SLC25A13: variants seen among roughly 807,000 people sequenced by gnomAD.
SLC25A13 encodes solute carrier family 25 member 13.
Under a neutral mutation model 85.5 loss-of-function variants are expected in SLC25A13, and 70 were observed. The observed-to-expected ratio is 0.82, with a 90% CI of 0.68 to 1.00. The LOEUF is 1.00. Among genes scored for constraint, SLC25A13 ranks in the 50% least tolerant of loss-of-function variants. The pLI is 0.00. For missense variants in SLC25A13, 765 were observed against 819.8 expected (o/e 0.93, Z 0.82); for synonymous variants, 259 against 288.7 (o/e 0.90, Z 1.04).
intron 4 of SLC25A13, among the ~76,000 whole-genome samples, chr7:96,229,203 T>C (rs979324977): frequency 1.3e-5 from 2 of 152,220 alleles, no homozygotes; most frequent in African/African-American, 2.4e-5. Context: ...AGAACTTTTA[T>C]GTCTAGCAGG....
At chr7:96,177,845 C>T (rs991161603) in intron 11 of SLC25A13, among the ~76,000 whole-genome samples, 1 of 152,174 alleles carries the variant, frequency 6.6e-6, no homozygotes, top group Non-Finnish European at 1.5e-5. Context: ...TCAGGCCTGC[C>T]AGTACTCTCA....
At chr7:96,170,007 A>C in intron 13 of SLC25A13, 38 bp downstream of exon 13, 1 of 1,590,036 alleles carries the variant, frequency 6.3e-7, no homozygotes, top group East Asian at 2.2e-5. Context: ...TATGTGAAAC[A>C]AGTCTTTTCA....
At chr7:96,286,587 A>G (rs1172075467) in intron 2 of SLC25A13, among the ~76,000 whole-genome samples, 1 of 152,130 alleles carries the variant, frequency 6.6e-6, no homozygotes, top group Non-Finnish European at 1.5e-5. Context: ...AGACCACACC[A>G]TCTTCTGCTA....
At chr7:96,259,615 A>C (rs888027513) in intron 3 of SLC25A13, among the ~76,000 whole-genome samples, 11 of 152,182 alleles carry the variant, frequency 7.2e-5, no homozygotes. Context: ...GTGGGAGTGT[A>C]AATCACTTCA....
chr7:96,222,673 T>A (rs1796178218), intron 4 of SLC25A13, among the ~76,000 whole-genome samples: 1 of 152,092 alleles, frequency 6.6e-6, no homozygotes, highest in Non-Finnish European at 1.5e-5. Context: ...CTCGATCTCT[T>A]GACCTTGTGA....
At chr7:96,216,948 A>G (rs1401461244) in intron 4 of SLC25A13, among the ~76,000 whole-genome samples, 1 of 152,230 alleles carries the variant, frequency 6.6e-6, no homozygotes, top group Non-Finnish European at 1.5e-5. Context: ...AAGATAAAAT[A>G]GCCTATAGAC....
intron 4 of SLC25A13, among the ~76,000 whole-genome samples, chr7:96,213,433 A>G (rs1433561386): frequency 6.6e-6 from 1 of 152,214 alleles, no homozygotes; most frequent in East Asian, 1.9e-4. Flanking sequence ...ATCAGAAATG[A>G]AAATCCAAAG....
intron 3 of SLC25A13, among the ~76,000 whole-genome samples, chr7:96,266,215 A>C (rs1312949739): frequency 6.6e-6 from 1 of 152,194 alleles, no homozygotes; most frequent in African/African-American, 2.4e-5. Context: ...GACCTCCTGG[A>C]CTTCTGAAAA....
intron 3 of SLC25A13, among the ~76,000 whole-genome samples, chr7:96,255,325 T>C (rs1205415168): frequency 2.6e-5 from 4 of 152,232 alleles, no homozygotes; most frequent in Non-Finnish European, 5.9e-5. Context: ...ACTTTGGATT[T>C]AACTGTGTCA....
In SLC25A13 at chr7:96,168,500, C is replaced by T. The variant is rs116260392; in HGVS notation, c.1311+1545G>A. Among the ~76,000 whole-genome samples, 716 of 152,140 alleles carry T rather than the reference C, an allele frequency of 4.7e-3. 4 individuals carry two copies. The highest frequency in any genetic ancestry group is 0.016 in the African/African-American group (682 of 41,508). The stretch of plus-strand genomic sequence containing the variant: ...GTGCTTTGTGTTTGAAATGGGCGGC[C>T]GCATATGCAAAAACAAGACCACCTA... On this transcript the variant is annotated intron_variant, in intron 13 of 17. Transcript: ENST00000265631.
chr7:96,283,205 G>A (rs1429933745), intron 2 of SLC25A13, among the ~76,000 whole-genome samples: 1 of 152,158 alleles, frequency 6.6e-6, no homozygotes, highest in Non-Finnish European at 1.5e-5. Context: ...GTAAAGCACA[G>A]GAAACAACTA....
intron 1 of SLC25A13, chr7:96,306,980 T>G: frequency 1.2e-6 from 1 of 834,570 alleles, no homozygotes; most frequent in Non-Finnish European, 2.0e-6. Flanking sequence ...CCAGCACCGA[T>G]GGCTTCCCTT....
chr7:96,122,832 T>G (rs1299088537), intron 15 of SLC25A13, among the ~76,000 whole-genome samples: 3 of 152,244 alleles, frequency 2.0e-5, no homozygotes, highest in Non-Finnish European at 4.4e-5. Context: ...AGCGAGACTG[T>G]ACTCAGAAGA....
rs1306319173 is a variant in SLC25A13 at position 96,217,917 on chromosome 7, A to AC, written c.329-8941_329-8940insG. Among the ~76,000 whole-genome samples, 10 of 151,766 alleles carry AC rather than the reference A, an allele frequency of 6.6e-5. 1 individual carries two copies. The highest frequency in any genetic ancestry group is 2.2e-4 in the African/African-American group (9 of 41,298). On this transcript the variant is annotated intron_variant, in intron 4 of 17. Coordinates refer to ENST00000265631, the MANE Select transcript of SLC25A13 (RefSeq NM_014251.3). ...GCTTTCTCTGAAAAAAAAAAACAAAAAACACCTAGAACTGTCAGAGATCTG... is the reference window on the plus strand; with the variant it reads ...GCTTTCTCTGAAAAAAAAAAACAAAACAACACCTAGAACTGTCAGAGATCTG...
At chr7:96,281,461 A>C (rs970158457) in intron 2 of SLC25A13, among the ~76,000 whole-genome samples, 2 of 152,164 alleles carry the variant, frequency 1.3e-5, no homozygotes, top group Non-Finnish European at 2.9e-5. Flanking sequence ...TAAGGGTAAA[A>C]GAAAAGAAAC....
chr7:96,282,077 C>G (rs567027344), intron 2 of SLC25A13, among the ~76,000 whole-genome samples: 57 of 152,270 alleles, frequency 3.7e-4, no homozygotes, highest in African/African-American at 1.3e-3. Flanking sequence ...ATATTTTTCA[C>G]TAGTGAGCTG....
intron 5 of SLC25A13, among the ~76,000 whole-genome samples, chr7:96,203,044 G>A (rs968734677): frequency 6.6e-6 from 1 of 152,044 alleles, no homozygotes; most frequent in African/African-American, 2.4e-5. Flanking sequence ...CAACCAACCG[G>A]TCTCCCTCTC....
chr7:96,142,283 C>T (rs1221376183), intron 14 of SLC25A13, among the ~76,000 whole-genome samples: 1 of 152,106 alleles, frequency 6.6e-6, no homozygotes, highest in Non-Finnish European at 1.5e-5. Flanking sequence ...TTCCTCTTTC[C>T]CTTCCTCCTG....
chr7:96,302,505 A>C (rs1799586385), intron 1 of SLC25A13, among the ~76,000 whole-genome samples: 1 of 152,190 alleles, frequency 6.6e-6, no homozygotes, highest in Non-Finnish European at 1.5e-5. Context: ...ACCTACACGA[A>C]AATAAGAAAT....
Sources: gnomAD v4.1 joint callset for allele counts (sites outside exome capture counted in the v4.1 genomes callset) on GRCh38, gnomAD v4.1.1 for gene constraint, MANE v1.5 for transcripts, NCBI Gene and HGNC (gene_info 2026-07-23, HGNC 2026-07-21) for gene names.